The following DCC variants were observed in gnomAD, a reference collection of about 807,000 sequenced individuals.
DCC encodes DCC netrin 1 receptor.
DCC carries 58 observed loss-of-function variants against 172.5 expected under a neutral mutation model. The observed-to-expected ratio is 0.34, with a 90% CI of 0.27 to 0.42. The LOEUF is 0.42. Among genes scored for constraint, DCC ranks in the 10% least tolerant of loss-of-function variants. The pLI is 1.00. For synonymous variants in DCC, 709 were observed against 644.5 expected, an observed-to-expected ratio of 1.10 and a Z score of -1.52; for missense variants, 1,740 against 1,791.0, an observed-to-expected ratio of 0.97 and a Z score of 0.51.
chr18:53,048,521 G>A (rs2042290111), intron 5 of DCC, among the ~76,000 whole-genome samples: 1 of 134,558 alleles, frequency 7.4e-6, no homozygotes, highest in East Asian at 2.3e-4. Context: ...GTGTGTGTGT[G>A]TGTGTATACA....
intron 7 of DCC, among the ~76,000 whole-genome samples, chr18:53,114,147 A>G (rs1238406148): frequency 6.6e-6 from 1 of 151,548 alleles, no homozygotes; most frequent in African/African-American, 2.4e-5. Flanking sequence ...ACTCATGTTT[A>G]TGTAAATGAC....
chr18:52,640,073 T>C (rs1442826939), intron 1 of DCC, among the ~76,000 whole-genome samples: 2 of 152,138 alleles, frequency 1.3e-5, no homozygotes, highest in Non-Finnish European at 2.9e-5. Flanking sequence ...CACAAGTCCA[T>C]GTGATACACC....
intron 1 of DCC, among the ~76,000 whole-genome samples, chr18:52,724,516 T>C (rs2036523146): frequency 6.6e-6 from 1 of 152,066 alleles, no homozygotes; most frequent in South Asian, 2.1e-4. Context: ...TTTCCAAAAA[T>C]TTGCCTAAAT....
At chr18:52,356,337 C>CA (rs1555673238) in intron 1 of DCC, among the ~76,000 whole-genome samples, 2 of 151,116 alleles carry the variant, frequency 1.3e-5, no homozygotes, top group Non-Finnish European at 3.0e-5. Flanking sequence ...ATGTTTTCAT[C>CA]TTTTTTTTTC....
intron 26 of DCC, among the ~76,000 whole-genome samples, chr18:53,498,561 G>GGAA (rs35913009): frequency 2.0e-4 from 28 of 139,806 alleles, no homozygotes; most frequent in African/African-American, 6.3e-4. Context: ...GTGTTCTCTG[G>GGAA]AAAAAAAAAA....
intron 1 of DCC, among the ~76,000 whole-genome samples, chr18:52,589,681 A>T (rs1274858728): frequency 6.6e-6 from 1 of 152,234 alleles, no homozygotes; most frequent in African/African-American, 2.4e-5. Flanking sequence ...AAATAAAAGA[A>T]CCATATAAGC....
chr18:53,257,575 G>C (rs560912726), intron 12 of DCC, among the ~76,000 whole-genome samples: 2 of 152,220 alleles, frequency 1.3e-5, no homozygotes, highest in South Asian at 2.1e-4. Context: ...CTTGATCATA[G>C]TGGATAAGCT....
At position 52,939,073 on chromosome 18, in the gene DCC, C is replaced by T. The variant is rs116658046; in HGVS notation, c.985+13703C>T. ...TAAACTACAATCTCTCTATCACATCCTACAAACCACTGTGGGATTTGGTTT... is the reference window on the plus strand; with the variant it reads ...TAAACTACAATCTCTCTATCACATCTTACAAACCACTGTGGGATTTGGTTT... On this transcript the variant is annotated intron_variant, in intron 5 of 28. Coordinates refer to ENST00000442544, the MANE Select transcript of DCC (RefSeq NM_005215.4). 6.8e-3 allele frequency among the ~76,000 whole-genome samples: 1,038 copies of T among 152,296 alleles called. 8 individuals are homozygous for T. Among genetic ancestry groups the T allele is most frequent in the African/African-American group, 0.023 (949 of 41,564 alleles).
At chr18:52,552,470 A>G (rs572966966) in intron 1 of DCC, among the ~76,000 whole-genome samples, 7 of 152,198 alleles carry the variant, frequency 4.6e-5, no homozygotes, top group African/African-American at 1.7e-4. Context: ...GTGGCAGTCA[A>G]TAAAGAACAG....
At chr18:53,164,609 A>G (rs2144419395) in intron 8 of DCC, among the ~76,000 whole-genome samples, 1 of 152,278 alleles carries the variant, frequency 6.6e-6, no homozygotes, top group Admixed American at 6.5e-5. Flanking sequence ...TTGTTTTCTC[A>G]CATGGAATAA....
At chr18:53,489,649 T>TAA (rs1220873379) in intron 26 of DCC, among the ~76,000 whole-genome samples, 1 of 152,206 alleles carries the variant, frequency 6.6e-6, no homozygotes, top group Non-Finnish European at 1.5e-5. Context: ...TTGAGTTTTA[T>TAA]AAGAAATGAA....
At chr18:52,479,457 T>C (rs1350228638) in intron 1 of DCC, among the ~76,000 whole-genome samples, 1 of 152,144 alleles carries the variant, frequency 6.6e-6, no homozygotes, top group Non-Finnish European at 1.5e-5. Context: ...GTTTTGGGAA[T>C]GTTCTTTGGA....
chr18:53,364,293 A>T (rs1029927742), intron 15 of DCC, among the ~76,000 whole-genome samples: 8 of 152,196 alleles, frequency 5.3e-5, no homozygotes, highest in Admixed American at 5.2e-4. Context: ...TTAAATAGGT[A>T]AAGTATATAA....
At chr18:52,819,724 C>CTTT (rs5824965) in intron 2 of DCC, among the ~76,000 whole-genome samples, 2 of 148,330 alleles carry the variant, frequency 1.3e-5, no homozygotes, top group Admixed American at 6.7e-5. Flanking sequence ...AACTTGTGAA[C>CTTT]TTTTTTTTTT....
intron 1 of DCC, among the ~76,000 whole-genome samples, chr18:52,571,996 C>T (rs2033308489): frequency 6.6e-6 from 1 of 152,078 alleles, no homozygotes; most frequent in Non-Finnish European, 1.5e-5. Flanking sequence ...GGACATAGAA[C>T]ATATGTAACA....
intron 1 of DCC, among the ~76,000 whole-genome samples, chr18:52,564,068 G>A (rs2033100803): frequency 6.6e-6 from 1 of 152,090 alleles, no homozygotes; most frequent in Non-Finnish European, 1.5e-5. Flanking sequence ...TCAAATTATG[G>A]CACTCTTCTA....
Position 53,493,631 on chromosome 18 carries a change from A to G in DCC, c.3899-5667A>G, listed in dbSNP as rs1400075492. On this transcript the variant is annotated intron_variant, in intron 26 of 28. Coordinates refer to ENST00000442544, the MANE Select transcript of DCC (RefSeq NM_005215.4). The stretch of plus-strand genomic sequence containing the variant: ...GGTGATATCCCCTTTATCATTGTTG[A>G]TTGTGCCTATTTGATTCTTCTCTCT... Among the ~76,000 whole-genome samples the G allele has an allele frequency of 3.3e-5, 5 of 152,118 alleles. No individual in the cohort carries two copies. The South Asian group carries it at 1.0e-3, about 32-fold the overall frequency.
chr18:53,344,336 T>C (rs2057696816), intron 15 of DCC, among the ~76,000 whole-genome samples: 1 of 152,080 alleles, frequency 6.6e-6, no homozygotes, highest in African/African-American at 2.4e-5. Flanking sequence ...TGTGATGTGT[T>C]ATTCTCCCTA....
chr18:52,667,235 G>C (rs903174457), intron 1 of DCC, among the ~76,000 whole-genome samples: 5 of 152,192 alleles, frequency 3.3e-5, no homozygotes, highest in African/African-American at 1.2e-4. Flanking sequence ...AACTTTGGTG[G>C]AATTAGGAGT....
Sources: gnomAD v4.1 joint callset for allele counts (sites outside exome capture counted in the v4.1 genomes callset) on GRCh38, gnomAD v4.1.1 for gene constraint, MANE v1.5 for transcripts, NCBI Gene and HGNC (gene_info 2026-07-23, HGNC 2026-07-21) for gene names.